MAP6: variants seen among roughly 807,000 people sequenced by gnomAD.
MAP6 encodes the protein microtubule associated protein 6.
MAP6 carries 26 observed loss-of-function variants against 42.4 expected under a neutral mutation model. That is an observed-to-expected ratio of 0.61 (90% CI 0.45 to 0.85). The LOEUF is 0.85. MAP6 is among the 40% of genes least tolerant of loss of function. The probability of loss-of-function intolerance (pLI) is 0.00; values close to 1 mark genes in which losing one functional copy is unlikely to be tolerated. For synonymous variants in MAP6, 418 were observed against 443.8 expected (o/e 0.94, Z 0.73); for missense variants, 966 against 1,099.0 (o/e 0.88, Z 1.71).
At position 75,638,986 on chromosome 11, in the gene MAP6, T is replaced by C. The variant is rs146638639; in HGVS notation, c.905+28479A>G. Among the ~76,000 whole-genome samples, 6 of 152,326 alleles carry C rather than the reference T, an allele frequency of 3.9e-5. No homozygotes were observed. In the East Asian group the frequency reaches 1.2e-3, roughly 29 times the overall value. On this transcript the variant is annotated intron_variant, in intron 1 of 3. Coordinates refer to ENST00000304771, the MANE Select transcript of MAP6 (RefSeq NM_033063.2). ...TCAGCCACAAAAGACAATGAAATCATGTCTTTTGCAGTAACACAGATAGAA... is the reference window on the plus strand; with the variant it reads ...TCAGCCACAAAAGACAATGAAATCACGTCTTTTGCAGTAACACAGATAGAA...
chr11:75,631,407 T>G (rs1330047123), intron 1 of MAP6, among the ~76,000 whole-genome samples: 1 of 152,194 alleles, frequency 6.6e-6, no homozygotes, highest in Non-Finnish European at 1.5e-5. Flanking sequence ...GGTGTGCAGA[T>G]TTAATGAAAT....
At chr11:75,609,447 G>C (rs1424152411) in intron 1 of MAP6, among the ~76,000 whole-genome samples, 1 of 152,186 alleles carries the variant, frequency 6.6e-6, no homozygotes, top group African/African-American at 2.4e-5. Flanking sequence ...GCTCAGAGAG[G>C]AGTGCCAGGA....
chr11:75,661,703 A>C (rs572265425), intron 1 of MAP6, among the ~76,000 whole-genome samples: 1 of 152,252 alleles, frequency 6.6e-6, no homozygotes, highest in Admixed American at 6.5e-5. Flanking sequence ...TTATCTTATA[A>C]AAACATAAAG....
intron 1 of MAP6, chr11:75,635,894 G>GT (rs1436669931): frequency 2.0e-5 from 3 of 152,368 alleles, no homozygotes; most frequent in Admixed American, 6.5e-5. Context: ...GGCTACAGTT[G>GT]TTTTATAATA....
In MAP6 at chr11:75,603,215, A is replaced by C. The variant is rs191244241; in HGVS notation, c.1316+2593T>G. On this transcript the variant is annotated intron_variant, in intron 3 of 3. Coordinates refer to ENST00000304771, the MANE Select transcript of MAP6 (RefSeq NM_033063.2). ...CTTTTGCAGGCAGGGAAACAGCGGG[A>C]AAGCTTCAGTCCCAGCTCCCTCGCC... is the stretch of plus-strand genomic sequence containing the variant. The C allele has an allele frequency of 9.1e-6, 9 of 985,522 alleles. No individual in the cohort carries two copies. The East Asian group carries it at 1.0e-3, about 112-fold the overall frequency. 61.0% of individuals were successfully genotyped at this position (985,522 alleles called of 1,614,324 possible).
At chr11:75,607,820 G>T in intron 2 of MAP6, 1 of 279,220 alleles carries the variant, frequency 3.6e-6, no homozygotes, top group Non-Finnish European at 5.4e-6. Context: ...GAGGTTTTCT[G>T]CCATTGTTTA....
At chr11:75,637,820 G>C (rs925207540) in intron 1 of MAP6, among the ~76,000 whole-genome samples, 1 of 145,678 alleles carries the variant, frequency 6.9e-6, no homozygotes, top group Admixed American at 6.8e-5. Context: ...AGGGAGGGAG[G>C]GAGGGAGGGA....
chr11:75,612,649 G>C (rs1447473254), intron 1 of MAP6, among the ~76,000 whole-genome samples: 1 of 152,190 alleles, frequency 6.6e-6, no homozygotes, highest in African/African-American at 2.4e-5. Context: ...GCTGGGGCCA[G>C]GTGACACAGA....
At chr11:75,638,733 GA>G (rs1443133719) in intron 1 of MAP6, 1 of 152,128 alleles carries the variant, frequency 6.6e-6, no homozygotes, top group Non-Finnish European at 1.5e-5. Flanking sequence ...AATCTCTATG[GA>G]AAACAGTATG....
chr11:75,627,244 C>T (rs1433672559), intron 1 of MAP6, among the ~76,000 whole-genome samples: 1 of 152,236 alleles, frequency 6.6e-6, no homozygotes, highest in Non-Finnish European at 1.5e-5. Context: ...GAACTCTGTG[C>T]CATTTGGAGA....
intron 1 of MAP6, among the ~76,000 whole-genome samples, chr11:75,620,332 G>A (rs1320266109): frequency 6.6e-6 from 1 of 151,998 alleles, no homozygotes; most frequent in African/African-American, 2.4e-5. Flanking sequence ...TTAGCTGGGT[G>A]TTGTGGCTCA....
chr11:75,658,402 C>G lies in MAP6; in HGVS notation c.905+9063G>C, dbSNP rs542329978. On this transcript the variant is annotated intron_variant, in intron 1 of 3. Coordinates refer to ENST00000304771, the MANE Select transcript of MAP6 (RefSeq NM_033063.2). ...CAGTGTATACCATTTCTCCACCCCCCCCGCCCCAGACAGCCAAAACATGAA... is the reference window on the plus strand; with the variant it reads ...CAGTGTATACCATTTCTCCACCCCCGCCGCCCCAGACAGCCAAAACATGAA... 6.6e-5 allele frequency among the ~76,000 whole-genome samples: 7 copies of G among 106,012 alleles called. No individual in the cohort carries two copies. The South Asian group carries it at 9.5e-4, about 14-fold the overall frequency. The allele number at this position is 106,012 out of a possible 152,430, so 69.5% of individuals were successfully genotyped here. A position where few individuals can be genotyped will look rare whatever the true frequency, so the allele number is the denominator to read the frequency against.
intron 1 of MAP6, among the ~76,000 whole-genome samples, chr11:75,628,043 T>C (rs1943226308): frequency 6.6e-6 from 1 of 152,166 alleles, no homozygotes; most frequent in African/African-American, 2.4e-5. Flanking sequence ...TCTCAGGGGC[T>C]GTGCTGGAGC....
chr11:75,617,166 A>C (rs959898313), intron 1 of MAP6, among the ~76,000 whole-genome samples: 1 of 152,194 alleles, frequency 6.6e-6, no homozygotes, highest in East Asian at 1.9e-4. Flanking sequence ...TCATTCAAAG[A>C]AAGTCCACAG....
At chr11:75,644,871 TAA>T (rs1590798664) in intron 1 of MAP6, among the ~76,000 whole-genome samples, 1 of 152,152 alleles carries the variant, frequency 6.6e-6, no homozygotes, top group South Asian at 2.1e-4. Flanking sequence ...TAAAATATAA[TAA>T]GTCTTTTTTA....
intron 1 of MAP6, among the ~76,000 whole-genome samples, chr11:75,609,764 C>T (rs1055882319): frequency 6.6e-6 from 1 of 152,168 alleles, no homozygotes; most frequent in Non-Finnish European, 1.5e-5. Context: ...TTTTAAGAGA[C>T]CCTTCCCTGA....
At chr11:75,609,379 T>C (rs1268139519) in intron 1 of MAP6, among the ~76,000 whole-genome samples, 3 of 152,148 alleles carry the variant, frequency 2.0e-5, no homozygotes. Flanking sequence ...TGAATATCTG[T>C]GGAGTTAGGT....
chr11:75,615,347 A>G (rs1942978182), intron 1 of MAP6, among the ~76,000 whole-genome samples: 1 of 152,238 alleles, frequency 6.6e-6, no homozygotes, highest in Non-Finnish European at 1.5e-5. Flanking sequence ...GAAAGAATGT[A>G]AAGCAGTTTC....
intron 1 of MAP6, among the ~76,000 whole-genome samples, chr11:75,618,060 C>T (rs1194335348): frequency 6.7e-6 from 1 of 150,016 alleles, no homozygotes; most frequent in Non-Finnish European, 1.5e-5. Flanking sequence ...CTGCGAAGGA[C>T]ACAGTACGGT....
Sources: allele counts gnomAD v4.1 joint callset (sites outside exome capture counted in the v4.1 genomes callset), GRCh38; gene constraint gnomAD v4.1.1; transcripts MANE v1.5; gene names NCBI Gene and HGNC (gene_info 2026-07-23, HGNC 2026-07-21).